Variants in FAM135A observed in about 807,000 individuals in gnomAD.
FAM135A encodes protein FAM135A.
Under a neutral mutation model 146.8 loss-of-function variants are expected in FAM135A, and 79 were observed. The ratio of observed to expected loss-of-function variants is 0.54; its 90% confidence interval spans 0.45 to 0.65. The LOEUF (loss-of-function observed/expected upper bound fraction) is 0.65, where lower values mean the gene tolerates loss of function less well. FAM135A is among the 30% of genes least tolerant of loss of function. The pLI, the probability that FAM135A is intolerant of heterozygous loss-of-function variation, is 0.00. For synonymous variants in FAM135A, 562 were observed against 603.6 expected (o/e 0.93, Z 1.01); for missense variants, 1,623 against 1,758.2 (o/e 0.92, Z 1.38).
Position 70,524,755 on chromosome 6 carries a change from T to G in FAM135A, c.1671T>G (p.Tyr557Ter). ...GTCTGGATCCCACAATATGTGGATA[T>G]AATTTTGACCCAAAGACCTACATGA... ...KEGLDPTICG[Y>*]NFDPKTYMRQ... The change falls in exon 15 of 22, where the codon TAT (tyrosine) becomes TAG (stop). Residue 557 changes from tyrosine to a stop codon, truncating the protein, a stop_gained. Transcript: ENST00000418814. LOFTEE classifies it high-confidence loss of function. The G allele has an allele frequency of 6.5e-7, 1 of 1,549,076 alleles. No individual in the cohort carries two copies. Among genetic ancestry groups the G allele is most frequent in the Non-Finnish European group, 8.7e-7 (1 of 1,146,258 alleles).
rs1799233086 is a variant in FAM135A, at chr6:70,548,425, A to G, written c.4229-8325A>G. ...GTATTTAATCAGTATCAGAATTTTT[A>G]AATTTATTTTATCATCATGGAATCT... On this transcript the variant is annotated intron_variant, in intron 20 of 21. Coordinates refer to ENST00000418814, the MANE Select transcript of FAM135A (RefSeq NM_001162529.3). 2.0e-5 allele frequency among the ~76,000 whole-genome samples: 3 copies of G among 152,314 alleles called. No homozygotes were observed. The South Asian group carries it at 6.2e-4, about 32-fold the overall frequency.
intron 20 of FAM135A, among the ~76,000 whole-genome samples, chr6:70,539,944 C>G (rs999178504): frequency 6.6e-6 from 1 of 152,070 alleles, no homozygotes; most frequent in African/African-American, 2.4e-5. Flanking sequence ...TGCAGTGAGC[C>G]GCGATCATGC....
At chr6:70,497,161 C>T (rs1053120439) in intron 11 of FAM135A, among the ~76,000 whole-genome samples, 21 of 152,076 alleles carry the variant, frequency 1.4e-4, no homozygotes, top group Non-Finnish European at 2.2e-4. Context: ...TTGTTTGTGT[C>T]CTCTCTTATT....
At chr6:70,483,430 G>A (rs905034465) in intron 10 of FAM135A, among the ~76,000 whole-genome samples, 2 of 152,106 alleles carry the variant, frequency 1.3e-5, no homozygotes, top group African/African-American at 4.8e-5. Flanking sequence ...ACAATCTTCT[G>A]ATCATTATTC....
Position 70,464,833 on chromosome 6 carries a change from ATTTTTTTTTTTTTTTTTTT to A in FAM135A, c.158-10566_158-10548del, listed in dbSNP as rs67408160. On this transcript the variant is annotated intron_variant, in intron 5 of 21. Coordinates refer to ENST00000418814, the MANE Select transcript of FAM135A (RefSeq NM_001162529.3). ...AGGCATGCACCACCACGCCTGGCCA[ATTTTTTTTTTTTTTTTTTT>A]TTTTTTTTTTCAGTAGAGATGGGGT... Among the ~76,000 whole-genome samples, 118 of 64,326 alleles carry A rather than the reference ATTTTTTTTTTTTTTTTTTT, an allele frequency of 1.8e-3. 3 individuals carry two copies. The highest frequency in any genetic ancestry group is 0.011 in the Admixed American group (53 of 4,948). 42.2% of individuals were successfully genotyped at this position (64,326 alleles called of 152,430 possible).
intron 4 of FAM135A, among the ~76,000 whole-genome samples, chr6:70,448,780 C>T (rs980174593): frequency 2.0e-5 from 3 of 152,154 alleles, no homozygotes; most frequent in South Asian, 2.1e-4. Context: ...AGGGATGGGC[C>T]GAAATAAATG....
At chr6:70,512,238 A>G (rs1791155079) in intron 12 of FAM135A, among the ~76,000 whole-genome samples, 1 of 151,776 alleles carries the variant, frequency 6.6e-6, no homozygotes, top group Non-Finnish European at 1.5e-5. Flanking sequence ...TCATTTCTTT[A>G]TCGTTGAGTA....
intron 11 of FAM135A, among the ~76,000 whole-genome samples, chr6:70,498,507 T>G (rs1787820829): frequency 6.6e-6 from 1 of 152,158 alleles, no homozygotes; most frequent in Non-Finnish European, 1.5e-5. Context: ...TTATTTCTTG[T>G]CTTCTGCTAG....
At chr6:70,532,750 G>GTGAA (rs1473873111) in intron 16 of FAM135A, among the ~76,000 whole-genome samples, 1 of 152,164 alleles carries the variant, frequency 6.6e-6, no homozygotes, top group Non-Finnish European at 1.5e-5. Flanking sequence ...AGCTAACACG[G>GTGAA]TGAAACCCCA....
chr6:70,469,804 A>G (rs1196468542), intron 5 of FAM135A, among the ~76,000 whole-genome samples: 1 of 152,144 alleles, frequency 6.6e-6, no homozygotes, highest in Admixed American at 6.5e-5. Flanking sequence ...CCAGAAAGCT[A>G]CATTTAAGAA....
intron 11 of FAM135A, among the ~76,000 whole-genome samples, chr6:70,492,607 C>T (rs774254148): frequency 4.4e-4 from 66 of 148,700 alleles, no homozygotes; most frequent in Middle Eastern, 3.4e-3. Flanking sequence ...GGTCAGTGCT[C>T]ACAATATATA....
At chr6:70,448,517 G>T (rs370654409) in intron 4 of FAM135A, among the ~76,000 whole-genome samples, 2 of 152,108 alleles carry the variant, frequency 1.3e-5, no homozygotes, top group Middle Eastern at 6.8e-3. Context: ...GTGACCCTTC[G>T]ACCTGGATTC....
chr6:70,508,528 T>C (rs2128283072), intron 12 of FAM135A, among the ~76,000 whole-genome samples: 1 of 152,280 alleles, frequency 6.6e-6, no homozygotes, highest in South Asian at 2.1e-4. Flanking sequence ...AGTCCAATAT[T>C]AGGGAGATAA....
intron 12 of FAM135A, among the ~76,000 whole-genome samples, chr6:70,518,638 C>T (rs1792844026): frequency 6.6e-6 from 1 of 152,128 alleles, no homozygotes; most frequent in South Asian, 2.1e-4. Flanking sequence ...AAGTTGAAGC[C>T]AGTACTCATT....
chr6:70,511,540 AT>A (rs2128293965), intron 12 of FAM135A, among the ~76,000 whole-genome samples: 1 of 151,682 alleles, frequency 6.6e-6, no homozygotes, highest in African/African-American at 2.4e-5. Flanking sequence ...GTTACCATAG[AT>A]TTTCTTGCCT....
chr6:70,525,342 T>G lies in FAM135A; in HGVS notation c.2258T>G (p.Ile753Ser). 1 of 1,613,298 alleles carries G rather than the reference T, an allele frequency of 6.2e-7. No individual in the cohort carries two copies. The highest frequency in any genetic ancestry group is 8.5e-7 in the Non-Finnish European group (1 of 1,179,606). The change falls in exon 15 of 22, where the codon ATT becomes AGT. Residue 753 changes from isoleucine to serine, a missense_variant. Coordinates refer to ENST00000418814, the MANE Select transcript of FAM135A (RefSeq NM_001162529.3). Reference protein sequence around the residue: ...EYHVVVSGDTIKLPDISATYA... With the variant: ...EYHVVVSGDTSKLPDISATYA... ...CATGTTGTAGTAAGTGGAGATACAA[T>G]TAAGTTACCAGATATTAGTGCCACA...
chr6:70,524,213 T>C, intron 14 of FAM135A, 92 bp downstream of exon 14: 2 of 1,402,774 alleles, frequency 1.4e-6, no homozygotes, highest in South Asian at 3.0e-5. Flanking sequence ...TAATGTGGAA[T>C]AGTTTTTTTC....
At chr6:70,514,254 G>A (rs1424626776) in intron 12 of FAM135A, among the ~76,000 whole-genome samples, 1 of 151,662 alleles carries the variant, frequency 6.6e-6, no homozygotes, top group African/African-American at 2.4e-5. Flanking sequence ...CTTTTCTGTA[G>A]CAACTAATCT....
intron 11 of FAM135A, among the ~76,000 whole-genome samples, chr6:70,495,799 C>G (rs146810652): frequency 6.6e-6 from 1 of 152,064 alleles, no homozygotes. Context: ...CCCCTCACCC[C>G]CTGACAGGCC....
Sources: gnomAD v4.1 joint callset for allele counts (sites outside exome capture counted in the v4.1 genomes callset) on GRCh38, gnomAD v4.1.1 for gene constraint, MANE v1.5 for transcripts, NCBI Gene and HGNC (gene_info 2026-07-23, HGNC 2026-07-21) for gene names.